The following TIAM1 variants were observed in gnomAD, a reference collection of about 807,000 sequenced individuals.
TIAM1 encodes rho guanine nucleotide exchange factor TIAM1.
TIAM1 carries 65 observed loss-of-function variants against 163.5 expected under a neutral mutation model. The ratio of observed to expected loss-of-function variants is 0.40; its 90% confidence interval spans 0.33 to 0.49. The LOEUF (loss-of-function observed/expected upper bound fraction) is 0.49. Ranked by LOEUF, TIAM1 falls within the 20% of genes least tolerant of loss-of-function variation. The pLI is 0.77. For missense variants in TIAM1, 1,789 were observed against 2,044.7 expected, an observed-to-expected ratio of 0.87 and a Z score of 2.41; for synonymous variants, 833 against 810.1, an observed-to-expected ratio of 1.03 and a Z score of -0.48.
At chr21:31,131,003 T>C (rs1207985890) in intron 23 of TIAM1, 55 bp from the exon 24 acceptor site, 1 of 1,479,410 alleles carries the variant, frequency 6.8e-7, no homozygotes, top group African/African-American at 1.4e-5. Context: ...GGTTTTCCCC[T>C]TGACATCACC....
chr21:31,332,770 T>C (rs893812022), intron 2 of TIAM1, among the ~76,000 whole-genome samples: 8 of 151,350 alleles, frequency 5.3e-5, no homozygotes, highest in African/African-American at 1.9e-4. Flanking sequence ...TATGTGATCA[T>C]TAAAATCACC....
At chr21:31,201,593 G>A (rs1179260118) in intron 12 of TIAM1, among the ~76,000 whole-genome samples, 2 of 152,180 alleles carry the variant, frequency 1.3e-5, no homozygotes, top group African/African-American at 4.8e-5. Flanking sequence ...TTCCTTAAAT[G>A]TAAAGTATAC....
At chr21:31,213,549 T>C in intron 9 of TIAM1, 77 bp from the exon 10 acceptor site, 2 of 1,250,748 alleles carry the variant, frequency 1.6e-6, no homozygotes, top group Non-Finnish European at 2.3e-6. Flanking sequence ...GGGAAGGAAA[T>C]GGGCATGGCT....
rs1418541174 is a variant in TIAM1, at chr21:31,210,748, G to GAGAAAGAAAGAAAA, written c.2218-534_2218-533insTTTTCTTTCTTTCT. ...AAGAAAGAGAAAGAAGGAAGGAAGG[G>GAGAAAGAAAGAAAA]AGAAAGAAAGAAAGAAAGAAAGAAA... is the stretch of plus-strand genomic sequence containing the variant. On this transcript the variant is annotated intron_variant, in intron 10 of 27. Transcript: ENST00000541036. Among the ~76,000 whole-genome samples the GAGAAAGAAAGAAAA allele has an allele frequency of 2.7e-4, 16 of 59,770 alleles. 1 individual carries two copies. Among genetic ancestry groups the GAGAAAGAAAGAAAA allele is most frequent in the Admixed American group, 2.1e-4 (1 of 4,744 alleles). The allele number at this position is 59,770 out of a possible 152,430, so 39.2% of individuals were successfully genotyped here.
At chr21:31,409,703 T>G (rs769899669) in intron 2 of TIAM1, among the ~76,000 whole-genome samples, 3 of 82,410 alleles carry the variant, frequency 3.6e-5, no homozygotes, top group Non-Finnish European at 6.9e-5. Context: ...TCTGCCCCTC[T>G]CCATCTCTCC....
intron 2 of TIAM1, among the ~76,000 whole-genome samples, chr21:31,278,509 G>A (rs564972802): frequency 8.5e-5 from 13 of 152,212 alleles, no homozygotes; most frequent in Admixed American, 2.6e-4. Flanking sequence ...GGGGCTGCCC[G>A]CTGCTGGTGG....
At chr21:31,271,857 T>C (rs2073072703) in intron 3 of TIAM1, among the ~76,000 whole-genome samples, 1 of 151,918 alleles carries the variant, frequency 6.6e-6, no homozygotes, top group Non-Finnish European at 1.5e-5. Flanking sequence ...TCAAAGACAA[T>C]AGGATGAGTG....
intron 1 of TIAM1, among the ~76,000 whole-genome samples, chr21:31,545,429 C>T (rs188718284): frequency 2.4e-4 from 37 of 152,140 alleles, no homozygotes; most frequent in African/African-American, 8.4e-4. Flanking sequence ...ACCTTGTTAC[C>T]GGGAGGAAAC....
intron 1 of TIAM1, among the ~76,000 whole-genome samples, chr21:31,487,659 G>A (rs529920489): frequency 1.9e-4 from 28 of 150,996 alleles, no homozygotes; most frequent in East Asian, 7.8e-4. Context: ...CCGGGTTCAC[G>A]CCATTCTCCT....
intron 4 of TIAM1, among the ~76,000 whole-genome samples, chr21:31,255,829 C>T (rs925938910): frequency 2.0e-5 from 3 of 152,156 alleles, no homozygotes; most frequent in South Asian, 4.2e-4. Context: ...AGAACCACTC[C>T]GTTGAAGAGA....
chr21:31,499,909 T>G (rs1602427603), intron 1 of TIAM1, among the ~76,000 whole-genome samples: 1 of 148,806 alleles, frequency 6.7e-6, no homozygotes, highest in Non-Finnish European at 1.5e-5. Flanking sequence ...GGCTCACGCC[T>G]GTAATCCCAG....
intron 3 of TIAM1, among the ~76,000 whole-genome samples, chr21:31,269,667 G>GTTTTTT (rs1383457242): frequency 7.2e-4 from 94 of 130,620 alleles, no homozygotes; most frequent in African/African-American, 2.5e-3. Flanking sequence ...CTTTAAGTTT[G>GTTTTTT]TTTGTTTTTT....
chr21:31,352,479 C>T (rs1169782819), intron 2 of TIAM1, among the ~76,000 whole-genome samples: 2 of 150,666 alleles, frequency 1.3e-5, no homozygotes, highest in Non-Finnish European at 3.0e-5. Context: ...ATATATCTTA[C>T]CACAACTTTT....
chr21:31,146,851 T>A, intron 20 of TIAM1, 44 bp downstream of exon 20: 1 of 1,528,546 alleles, frequency 6.5e-7, no homozygotes, highest in Non-Finnish European at 9.1e-7. Context: ...GCCACACAAC[T>A]GACAAGCAAC....
chr21:31,327,707 G>C (rs1309821740), intron 2 of TIAM1, among the ~76,000 whole-genome samples: 1 of 148,812 alleles, frequency 6.7e-6, no homozygotes, highest in African/African-American at 2.5e-5. Flanking sequence ...TTTGTGCCTA[G>C]AGAAATTGCA....
At chr21:31,197,379 CT>C (rs1258537968) in intron 12 of TIAM1, among the ~76,000 whole-genome samples, 233 of 142,512 alleles carry the variant, frequency 1.6e-3, no homozygotes, top group Non-Finnish European at 1.3e-3. Flanking sequence ...TTTCTTTTTT[CT>C]TTTTTTTTTT....
intron 2 of TIAM1, among the ~76,000 whole-genome samples, chr21:31,308,306 A>G (rs1409805214): frequency 1.3e-5 from 2 of 152,240 alleles, no homozygotes; most frequent in East Asian, 3.9e-4. Context: ...TAGGCAAGGT[A>G]GGTAACCTCC....
chr21:31,304,492 C>T (rs552563904), intron 2 of TIAM1, among the ~76,000 whole-genome samples: 2 of 152,198 alleles, frequency 1.3e-5, no homozygotes, highest in South Asian at 2.1e-4. Flanking sequence ...AAATTAGGGG[C>T]CCAGTTCAAT....
chr21:31,504,486 C>T (rs1454617534), intron 1 of TIAM1, among the ~76,000 whole-genome samples: 1 of 152,192 alleles, frequency 6.6e-6, no homozygotes, highest in Non-Finnish European at 1.5e-5. Flanking sequence ...TTCAAGAATG[C>T]CACTGTAAGA....
Sources: gnomAD v4.1 joint callset for allele counts (sites outside exome capture counted in the v4.1 genomes callset) on GRCh38, gnomAD v4.1.1 for gene constraint, MANE v1.5 for transcripts, NCBI Gene and HGNC (gene_info 2026-07-23, HGNC 2026-07-21) for gene names.